Variants in CFAP97D2 observed in about 807,000 individuals in gnomAD.
The protein encoded by CFAP97D2 is uncharacterized protein CFAP97D2.
At chr13:114,202,469 T>C (rs2080922584) in intron 3 of CFAP97D2, among the ~76,000 whole-genome samples, 1 of 152,124 alleles carries the variant, frequency 6.6e-6, no homozygotes, top group African/African-American at 2.4e-5. Context: ...AAACATATAT[T>C]CAAGAAAAGC....
chr13:114,204,268 C>A (rs1157617704), intron 3 of CFAP97D2, among the ~76,000 whole-genome samples: 1 of 152,170 alleles, frequency 6.6e-6, no homozygotes, highest in Non-Finnish European at 1.5e-5. Context: ...CTACAGTGAG[C>A]TAACTTGCAG....
At chr13:114,195,928 A>C (rs1479663773) in intron 1 of CFAP97D2, among the ~76,000 whole-genome samples, 1 of 151,770 alleles carries the variant, frequency 6.6e-6, no homozygotes, top group African/African-American at 2.4e-5. Context: ...AAAAAAAAAA[A>C]AAAAACTAGC....
chr13:114,193,778 G>C (rs969061414), intron 1 of CFAP97D2, among the ~76,000 whole-genome samples: 2 of 152,168 alleles, frequency 1.3e-5, no homozygotes, highest in African/African-American at 2.4e-5. Context: ...CTGGAGGCTG[G>C]GAAGTCCAAG....
chr13:114,205,776 C>T (rs1024421549), intron 3 of CFAP97D2, among the ~76,000 whole-genome samples: 4 of 152,160 alleles, frequency 2.6e-5, no homozygotes, highest in South Asian at 2.1e-4. Context: ...CAAGGGGATC[C>T]GGGCTCCTGT....
At chr13:114,188,184 T>C (rs1009381787) in intron 1 of CFAP97D2, among the ~76,000 whole-genome samples, 3 of 150,786 alleles carry the variant, frequency 2.0e-5, no homozygotes, top group African/African-American at 7.3e-5. Flanking sequence ...TTAGGGAGGC[T>C]GAGGCAGTAG....
At chr13:114,197,874 G>A (rs990648291) in intron 2 of CFAP97D2, among the ~76,000 whole-genome samples, 1 of 148,450 alleles carries the variant, frequency 6.7e-6, no homozygotes, top group East Asian at 1.9e-4. Context: ...TAGTAGTGAT[G>A]GGGTTTCACC....
intron 1 of CFAP97D2, among the ~76,000 whole-genome samples, chr13:114,182,179 A>G (rs1311472164): frequency 7.1e-6 from 1 of 140,684 alleles, no homozygotes; most frequent in Non-Finnish European, 1.6e-5. Flanking sequence ...AAACGTGAGC[A>G]AAAGAGTCTA....
Position 114,202,988 on chromosome 13 carries a change from C to T in CFAP97D2, c.290+2545C>T, listed in dbSNP as rs185161859. Among the ~76,000 whole-genome samples the T allele has an allele frequency of 2.0e-5, 3 of 152,178 alleles. No individual in the cohort carries two copies. In the East Asian group the frequency reaches 5.8e-4, roughly 29 times the overall value. The stretch of plus-strand genomic sequence containing the variant: ...GAGCTCCAGGGCTCTGAGATTTTGC[C>T]CAGAGGAAGAAGCAGACCCTCGTAA... On this transcript the variant is annotated intron_variant, in intron 3 of 4. Transcript: ENST00000646158.
Position 114,196,070 on chromosome 13 carries a change from G to C in CFAP97D2, c.91-326G>C, listed in dbSNP as rs926098809. 3.5e-5 allele frequency among the ~76,000 whole-genome samples: 4 copies of C among 114,122 alleles called. No homozygotes were observed. In the South Asian group the frequency reaches 1.2e-3, roughly 36 times the overall value. 74.9% of individuals were successfully genotyped at this position (114,122 alleles called of 152,430 possible). A position where few individuals can be genotyped will look rare whatever the true frequency, so the allele number is the denominator to read the frequency against. On this transcript the variant is annotated intron_variant, in intron 1 of 4. Transcript: ENST00000646158. ...TATGCTCCAGCCTGGGCAACAGAGC[G>C]AGACTCAAAAAAAAAAAAAAAAAAA... is the stretch of plus-strand genomic sequence containing the variant.
At chr13:114,218,315 AC>A (rs1190385909) in intron 4 of CFAP97D2, among the ~76,000 whole-genome samples, 1 of 152,250 alleles carries the variant, frequency 6.6e-6, no homozygotes, top group African/African-American at 2.4e-5. Flanking sequence ...AATCCAACTT[AC>A]AAGGGATGTG....
intron 3 of CFAP97D2, among the ~76,000 whole-genome samples, chr13:114,204,078 A>G (rs1314590824): frequency 6.6e-6 from 1 of 152,238 alleles, no homozygotes; most frequent in East Asian, 1.9e-4. Context: ...TGAATTTACC[A>G]AGACAGTTGT....
intron 1 of CFAP97D2, among the ~76,000 whole-genome samples, chr13:114,192,192 G>A (rs1191805346): frequency 6.6e-6 from 1 of 152,136 alleles, no homozygotes; most frequent in Non-Finnish European, 1.5e-5. Context: ...TAGAATATGT[G>A]ACACCAAGAG....
intron 1 of CFAP97D2, among the ~76,000 whole-genome samples, chr13:114,182,374 G>T (rs552419955): frequency 2.0e-5 from 3 of 151,940 alleles, no homozygotes; most frequent in Non-Finnish European, 4.4e-5. Flanking sequence ...ATGTACAATC[G>T]GGTTTTATAC....
Position 114,198,147 on chromosome 13 carries a change from C to T in CFAP97D2, c.171+1671C>T, listed in dbSNP as rs371025831. Among the ~76,000 whole-genome samples the T allele has an allele frequency of 5.0e-4, 76 of 152,132 alleles. No individual in the cohort carries two copies. In the East Asian group the frequency reaches 7.4e-3, roughly 15 times the overall value. ...GGACTACAGGCCCGCACCACCACGC[C>T]CGGCTAATTTTTTGTATTTTAGTAG... On this transcript the variant is annotated intron_variant, in intron 2 of 4. Transcript: ENST00000646158.
intron 3 of CFAP97D2, among the ~76,000 whole-genome samples, chr13:114,209,513 C>T (rs1471250927): frequency 6.6e-6 from 1 of 152,096 alleles, no homozygotes; most frequent in Admixed American, 6.5e-5. Context: ...AGGCCTAGCT[C>T]TTACTCAGCT....
At chr13:114,196,718 AATT>A (rs368337719) in intron 2 of CFAP97D2, among the ~76,000 whole-genome samples, 102 of 152,282 alleles carry the variant, frequency 6.7e-4, no homozygotes, top group African/African-American at 2.4e-3. Context: ...GGTCTCAATC[AATT>A]TAGAAGTTTA....
intron 4 of CFAP97D2, among the ~76,000 whole-genome samples, chr13:114,217,593 T>C (rs2081001265): frequency 6.6e-6 from 1 of 152,152 alleles, no homozygotes; most frequent in African/African-American, 2.4e-5. Flanking sequence ...TTTAGACCAA[T>C]ATCCCTGGTG....
chr13:114,212,003 A>G, exon 4 of CFAP97D2: 1 of 398,734 alleles, frequency 2.5e-6, no homozygotes, highest in Non-Finnish European at 4.4e-6. Flanking sequence ...GAACCATGGT[A>G]TGGAGCTCAA....
chr13:114,182,395 A>G (rs976411870), intron 1 of CFAP97D2, among the ~76,000 whole-genome samples: 4 of 152,102 alleles, frequency 2.6e-5, no homozygotes, highest in Admixed American at 2.0e-4. Flanking sequence ...CGAGACATTC[A>G]GTTCCCAGGG....
Sources: allele counts gnomAD v4.1 joint callset (sites outside exome capture counted in the v4.1 genomes callset), GRCh38; gene constraint gnomAD v4.1.1; transcripts MANE v1.5; gene names NCBI Gene and HGNC (gene_info 2026-07-23, HGNC 2026-07-21).